Variants in RNLS observed in about 807,000 individuals in gnomAD.
RNLS encodes the protein renalase.
RNLS carries 39 observed loss-of-function variants against 39.8 expected under a neutral mutation model. The ratio of observed to expected loss-of-function variants is 0.98; its 90% CI spans 0.76 to 1.28. The LOEUF is 1.28. Ranked by LOEUF, RNLS falls within the 50% of genes most tolerant of loss-of-function variation. The pLI is 0.00. For synonymous variants in RNLS, 147 were observed against 150.7 expected (o/e 0.98, Z 0.18); for missense variants, 410 against 413.3 (o/e 0.99, Z 0.07).
At chr10:88,539,432 T>C (rs544144499) in intron 4 of RNLS, among the ~76,000 whole-genome samples, 2 of 152,226 alleles carry the variant, frequency 1.3e-5, no homozygotes, top group Non-Finnish European at 2.9e-5. Flanking sequence ...TACAAATTCG[T>C]CACACTTTAA....
intron 4 of RNLS, among the ~76,000 whole-genome samples, chr10:88,450,454 G>C (rs953473323): frequency 1.3e-5 from 2 of 152,172 alleles, no homozygotes; most frequent in Non-Finnish European, 1.5e-5. Context: ...ACTCCAGCAG[G>C]GTGTGAAGAG....
Position 88,583,125 on chromosome 10 carries a change from C to T in RNLS, c.66G>A (p.Arg22=). 5.0e-6 allele frequency: 8 copies of T among 1,614,136 alleles called. No individual in the cohort carries two copies. Among genetic ancestry groups the T allele is most frequent in the Non-Finnish European group, 6.8e-6 (8 of 1,179,964 alleles). ...TGSLCAALLR[R]QTSGPLYLAV... ...CAAGGTACAAGGGACCGGACGTCTG[C>T]CTCCTCAGCAGCGCAGCGCACAAGC... Residue 22 remains arginine (R), a synonymous_variant, in exon 1 of 7, where the codon AGG becomes AGA. Coordinates refer to ENST00000331772, the MANE Select transcript of RNLS (RefSeq NM_001031709.3).
chr10:88,409,337 C>T, intron 4 of RNLS, among the ~76,000 whole-genome samples: 1 of 152,136 alleles, frequency 6.6e-6, no homozygotes, highest in East Asian at 1.9e-4. Flanking sequence ...ACATGCATTT[C>T]TCCACCTTGT....
chr10:88,316,763 T>C (rs953990978), intron 5 of RNLS, among the ~76,000 whole-genome samples: 2 of 152,206 alleles, frequency 1.3e-5, no homozygotes, highest in Non-Finnish European at 2.9e-5. Flanking sequence ...AGTTCTCGCA[T>C]AACAATGAGA....
chr10:88,472,163 C>T (rs1300270646), intron 4 of RNLS, among the ~76,000 whole-genome samples: 1 of 152,172 alleles, frequency 6.6e-6, no homozygotes, highest in Non-Finnish European at 1.5e-5. Context: ...GCTGAGTTAA[C>T]CCCTTCCTTC....
chr10:88,193,764 T>C, the RNLS span, among the ~76,000 whole-genome samples: 14 of 152,162 alleles, frequency 9.2e-5, no homozygotes, highest in African/African-American at 3.4e-4. Flanking sequence ...ACTCAGAAAA[T>C]AATTTATTTG....
intron 4 of RNLS, among the ~76,000 whole-genome samples, chr10:88,553,987 A>C (rs1213628620): frequency 6.6e-6 from 1 of 152,172 alleles, no homozygotes; most frequent in African/African-American, 2.4e-5. Flanking sequence ...CTAAAGAATG[A>C]ACACCACATC....
chr10:88,385,279 A>C (rs7090991), intron 4 of RNLS, among the ~76,000 whole-genome samples: 1 of 152,158 alleles, frequency 6.6e-6, no homozygotes. Flanking sequence ...AAGTACATCC[A>C]GTCAAATTTG....
intron 4 of RNLS, among the ~76,000 whole-genome samples, chr10:88,380,012 C>A (rs1157897717): frequency 6.6e-6 from 1 of 152,088 alleles, no homozygotes; most frequent in Non-Finnish European, 1.5e-5. Context: ...TGCATTGTAA[C>A]CTGTCCAAAA....
chr10:88,576,394 T>C (rs1350255328), intron 3 of RNLS, among the ~76,000 whole-genome samples: 2 of 152,172 alleles, frequency 1.3e-5, no homozygotes, highest in Non-Finnish European at 2.9e-5. Flanking sequence ...TGTGTTTCTG[T>C]TATATATTTA....
At chr10:88,511,391 T>C (rs7075544) in intron 4 of RNLS, among the ~76,000 whole-genome samples, 55,551 of 151,956 alleles carry the variant, frequency 0.37, 11,387 homozygotes, top group African/African-American at 0.55. Flanking sequence ...ACAGTGAAGA[T>C]TGTTGAAAGA....
At chr10:88,317,655 C>T (rs1845861803) in intron 5 of RNLS, among the ~76,000 whole-genome samples, 1 of 152,172 alleles carries the variant, frequency 6.6e-6, no homozygotes, top group Non-Finnish European at 1.5e-5. Flanking sequence ...TGTTCTATAA[C>T]AGTCACCATC....
At chr10:88,489,043 C>G (rs183847984) in intron 4 of RNLS, among the ~76,000 whole-genome samples, 149 of 152,220 alleles carry the variant, frequency 9.8e-4, no homozygotes, top group Non-Finnish European at 2.1e-3. Flanking sequence ...CCTCGAAATT[C>G]AAGCATTCTG....
chr10:88,386,998 T>C (rs1470631803), intron 4 of RNLS, among the ~76,000 whole-genome samples: 1 of 152,216 alleles, frequency 6.6e-6, no homozygotes, highest in Admixed American at 6.5e-5. Context: ...GAATAAAAAG[T>C]GATCTGTACA....
At chr10:88,377,260 G>A (rs113652174) in intron 4 of RNLS, among the ~76,000 whole-genome samples, 7 of 141,840 alleles carry the variant, frequency 4.9e-5, no homozygotes, top group Non-Finnish European at 9.6e-5. Flanking sequence ...ACACACACAC[G>A]CACACATCCT....
chr10:88,211,047 A>C, the RNLS span, among the ~76,000 whole-genome samples: 1 of 152,030 alleles, frequency 6.6e-6, no homozygotes, highest in Non-Finnish European at 1.5e-5. Flanking sequence ...CTTCTTCATA[A>C]CCCTTTCTTT....
intron 5 of RNLS, among the ~76,000 whole-genome samples, chr10:88,352,465 C>T (rs1473542173): frequency 1.3e-5 from 2 of 152,190 alleles, no homozygotes; most frequent in Non-Finnish European, 2.9e-5. Flanking sequence ...AATCCTGTGG[C>T]TTTTGTCTTT....
intron 4 of RNLS, among the ~76,000 whole-genome samples, chr10:88,531,794 A>G (rs1169186789): frequency 6.6e-6 from 1 of 152,108 alleles, no homozygotes; most frequent in Non-Finnish European, 1.5e-5. Flanking sequence ...GTAGATTGAC[A>G]TTACTTTTTG....
chr10:88,397,200 A>T (rs1430446362), intron 4 of RNLS, among the ~76,000 whole-genome samples: 1 of 152,014 alleles, frequency 6.6e-6, no homozygotes, highest in Non-Finnish European at 1.5e-5. Flanking sequence ...ATTCTCCAGG[A>T]TGAAGCCTGT....
Sources: allele counts gnomAD v4.1 joint callset (sites outside exome capture counted in the v4.1 genomes callset), GRCh38; gene constraint gnomAD v4.1.1; transcripts MANE v1.5; gene names NCBI Gene and HGNC (gene_info 2026-07-23, HGNC 2026-07-21).